Variants in CYP3A7 observed in about 807,000 individuals in gnomAD.
CYP3A7 encodes the protein cytochrome P450 family 3 subfamily A member 7.
In CYP3A7, 45 loss-of-function variants were observed where a neutral mutation model predicts 55.2. That is an observed-to-expected ratio of 0.82 (90% CI 0.64 to 1.05). CYP3A7 has a LOEUF of 1.05. CYP3A7 is among the 50% of genes least tolerant of loss of function. The pLI, the probability that CYP3A7 is intolerant of heterozygous loss-of-function variation, is 0.00. For synonymous variants in CYP3A7, 180 were observed against 207.4 expected, an observed-to-expected ratio of 0.87 and a Z score of 1.13; for missense variants, 548 against 605.3, an observed-to-expected ratio of 0.91 and a Z score of 0.99.
At position 99,721,636 on chromosome 7, in the gene CYP3A7, C is replaced by T. The variant is rs547164245; in HGVS notation, c.218+660G>A. Among the ~76,000 whole-genome samples, 25 of 152,238 alleles carry T rather than the reference C, an allele frequency of 1.6e-4. No homozygotes were observed. In the South Asian group the frequency reaches 3.7e-3, roughly 23 times the overall value. On this transcript the variant is annotated intron_variant, in intron 3 of 12. Transcript: ENST00000336374. ...ACAATGGTCTCAGCCTAGTTTAGAC[C>T]GAAGACCTCAACACCTGGTGACATA...
At chr7:99,726,051 A>G (rs960750280) in intron 2 of CYP3A7, among the ~76,000 whole-genome samples, 6 of 152,182 alleles carry the variant, frequency 3.9e-5, no homozygotes, top group Admixed American at 2.0e-4. Flanking sequence ...TAACCAAATT[A>G]TCTGCTTCTC....
chr7:99,709,056 G>T lies in CYP3A7; in HGVS notation c.1232C>A (p.Pro411His), dbSNP rs1173730230. 1.9e-6 allele frequency: 3 copies of T among 1,613,866 alleles called. No homozygotes were observed. In the African/African-American group the frequency reaches 4.0e-5, roughly 22 times the overall value. ...CTACCTTTCAGGGAGGAACTTCTCA[G>T]GCTCTGTCCAGTACTTTGGGTCATG... ...LHHDPKYWTEPEKFLPERFSK... is the reference protein window; with the variant it reads ...LHHDPKYWTEHEKFLPERFSK... The change falls in exon 11 of 13, where the codon CCT becomes CAT. Residue 411 changes from proline to histidine, a missense_variant. Physicochemically the swap from Pro to His is moderately conservative, Grantham distance 77. Transcript: ENST00000336374.
chr7:99,725,622 C>T (rs1235721047), intron 2 of CYP3A7, among the ~76,000 whole-genome samples: 2 of 152,224 alleles, frequency 1.3e-5, no homozygotes, highest in African/African-American at 4.8e-5. Flanking sequence ...TGTGTGGGCT[C>T]CAATTAGAGG....
intron 5 of CYP3A7, 79 bp from the exon 6 acceptor site, chr7:99,717,344 G>T: frequency 1.2e-6 from 2 of 1,608,500 alleles, no homozygotes; most frequent in Non-Finnish European, 1.7e-6. Context: ...GCCTGGCATG[G>T]AACAATAAGT....
At chr7:99,727,278 T>C (rs1814447086) in intron 2 of CYP3A7, among the ~76,000 whole-genome samples, 1 of 152,246 alleles carries the variant, frequency 6.6e-6, no homozygotes. Context: ...CTGGTCATCA[T>C]GTCTCTGTGC....
Position 99,710,892 on chromosome 7 carries a change from G to A in CYP3A7, c.866C>T (p.Ala289Val). The part of the protein sequence containing the change: ...QNSKDSETHK[A>V]LSDLELMAQS... The stretch of plus-strand genomic sequence containing the variant: ...GGCCATGAGCTCCAGATCAGACAGA[G>A]CTGAAAGGAGAGAAAAGACATTTTA... The change falls in exon 10 of 13, where the codon GCT becomes GTT. Residue 289 changes from alanine to valine, a missense_variant and splice_region_variant. Ala to Val is a moderately conservative substitution (Grantham distance 64, BLOSUM62 0). Transcript: ENST00000336374. 1 of 1,613,688 alleles carries A rather than the reference G, an allele frequency of 6.2e-7. No individual in the cohort carries two copies. The highest frequency in any genetic ancestry group is 8.5e-7 in the Non-Finnish European group (1 of 1,179,728).
intron 11 of CYP3A7, among the ~76,000 whole-genome samples, chr7:99,708,585 T>C (rs1563018358): frequency 2.0e-5 from 3 of 152,132 alleles, no homozygotes; most frequent in South Asian, 2.1e-4. Context: ...GCTACTGTAT[T>C]GATGGAAAGC....
In CYP3A7 at chr7:99,710,741, TA is replaced by T. The variant is rs1454484851; in HGVS notation, c.1016del (p.Leu339TyrfsTer22). On this transcript the variant is annotated frameshift_variant, in exon 10 of 13. Transcript: ENST00000336374. LOFTEE classifies it high-confidence loss of function. Reference sequence around the variant, plus strand: ...TGTACTGTCCACTCACCTTATTGGGTAAAACTGTATCAATTTCCTTCTGCAC... The same window carrying T: ...TGTACTGTCCACTCACCTTATTGGGTAAACTGTATCAATTTCCTTCTGCAC... ...QKVQKEIDTV[L>X]PNKAPPTYDT... The T allele has an allele frequency of 1.2e-6, 2 of 1,613,850 alleles. No homozygotes were observed. Among genetic ancestry groups the T allele is most frequent in the Middle Eastern group, 1.7e-4 (1 of 6,056 alleles).
intron 4 of CYP3A7, among the ~76,000 whole-genome samples, chr7:99,718,732 G>A (rs1814068842): frequency 6.6e-6 from 1 of 152,142 alleles, no homozygotes; most frequent in Non-Finnish European, 1.5e-5. Context: ...ATTTTCAAGT[G>A]ACATAATTGT....
At chr7:99,729,046 A>G (rs1339943021) in intron 2 of CYP3A7, among the ~76,000 whole-genome samples, 2 of 152,296 alleles carry the variant, frequency 1.3e-5, no homozygotes, top group African/African-American at 2.4e-5. Context: ...GACAATATAA[A>G]AAAGCTTAAA....
rs4646463 is a variant in CYP3A7 at position 99,714,688 on chromosome 7, GA to G, written c.671-7del. 331 of 1,429,012 alleles carry G rather than the reference GA, an allele frequency of 2.3e-4. 1 individual carries two copies. The highest frequency in any genetic ancestry group is 1.7e-3 in the African/African-American group (119 of 68,880). The allele number at this position is 1,429,012 out of a possible 1,614,324, so 88.5% of individuals were successfully genotyped here. A position where few individuals can be genotyped will look rare whatever the true frequency, so the allele number is the denominator to read the frequency against. ...GGTAAGGAATGGAAAGACTTCTGTA[GA>G]AAAAAAAAACCAACAGAAAACGAAA... On this transcript the variant is annotated splice_polypyrimidine_tract_variant and splice_region_variant and intron_variant, in intron 7 of 12. Transcript: ENST00000336374.
At chr7:99,728,062 C>T (rs1287438424) in intron 2 of CYP3A7, among the ~76,000 whole-genome samples, 1 of 152,196 alleles carries the variant, frequency 6.6e-6, no homozygotes, top group Non-Finnish European at 1.5e-5. Context: ...TTCTGTCCCT[C>T]ATGGCCAGTT....
At position 99,717,191 on chromosome 7, in the gene CYP3A7, A is replaced by G. The variant is rs1484909226; in HGVS notation, c.507T>C (p.Pro169=). The change falls in exon 6 of 13, where the codon CCT becomes CCC. Residue 169 remains proline, a synonymous_variant. Transcript: ENST00000336374. ...CTCCTACTTACTGTTTCAAGGTGAC[A>G]GGCTTGCCTGTCTCTGCTTCCCGCC... is the stretch of plus-strand genomic sequence containing the variant. ...NLRREAETGK[P]VTLKHVFGAY... 8 of 1,613,946 alleles carry G rather than the reference A, an allele frequency of 5.0e-6. No individual in the cohort carries two copies. Among genetic ancestry groups the G allele is most frequent in the Non-Finnish European group, 5.9e-6 (7 of 1,179,836 alleles).
rs1813481691 is a variant in CYP3A7, at chr7:99,705,410, T to G, written c.*90A>C. 2 of 1,435,122 alleles carry G rather than the reference T, an allele frequency of 1.4e-6. No homozygotes were observed. The highest frequency in any genetic ancestry group is 2.0e-6 in the Non-Finnish European group (2 of 1,023,750). 88.9% of individuals were successfully genotyped at this position (1,435,122 alleles called of 1,614,324 possible). ...GCACATTGGATGAAGCCCGTCTTCA[T>G]TTCAGGGTTCTATTTGTAAAGTAAT... On this transcript the variant is annotated 3_prime_UTR_variant, in exon 13 of 13. Coordinates refer to ENST00000336374, the MANE Select transcript of CYP3A7 (RefSeq NM_000765.5).
chr7:99,719,286 T>A (rs1199075605), intron 4 of CYP3A7, among the ~76,000 whole-genome samples: 2 of 152,180 alleles, frequency 1.3e-5, no homozygotes, highest in African/African-American at 2.4e-5. Flanking sequence ...ACCAGTTTGT[T>A]GTTGATGGAG....
intron 2 of CYP3A7, among the ~76,000 whole-genome samples, chr7:99,724,449 G>C (rs1354977369): frequency 6.6e-6 from 1 of 152,062 alleles, no homozygotes. Flanking sequence ...CTCCCAGTGT[G>C]ACTCATCCCA....
chr7:99,711,107 A>G (rs970872419), intron 9 of CYP3A7, among the ~76,000 whole-genome samples: 6 of 152,208 alleles, frequency 3.9e-5, no homozygotes, highest in Non-Finnish European at 7.3e-5. Context: ...AATGTCTTCA[A>G]GAACGTAGAC....
chr7:99,734,064 G>A (rs867500087), intron 1 of CYP3A7, among the ~76,000 whole-genome samples: 4 of 152,248 alleles, frequency 2.6e-5, no homozygotes, highest in South Asian at 2.1e-4. Flanking sequence ...GCTGGAAATA[G>A]TCTATCTCCA....
At position 99,735,122 on chromosome 7, in the gene CYP3A7, C is replaced by T. The variant is rs2151542204; in HGVS notation, c.-29G>A. On this transcript the variant is annotated 5_prime_UTR_variant, in exon 1 of 13. Coordinates refer to ENST00000336374, the MANE Select transcript of CYP3A7 (RefSeq NM_000765.5). Reference sequence around the variant, plus strand: ...TACTTTCCTTCCTTATCTCTCTCCTCTGAGTCTTTTTTTCAGCAGCGTGCT... The same window carrying T: ...TACTTTCCTTCCTTATCTCTCTCCTTTGAGTCTTTTTTTCAGCAGCGTGCT... The T allele has an allele frequency of 6.2e-7, 1 of 1,613,608 alleles. No homozygotes were observed. Among genetic ancestry groups the T allele is most frequent in the Non-Finnish European group, 8.5e-7 (1 of 1,179,686 alleles).
Sources: gnomAD v4.1 joint callset for allele counts (sites outside exome capture counted in the v4.1 genomes callset) on GRCh38, gnomAD v4.1.1 for gene constraint, MANE v1.5 for transcripts, NCBI Gene and HGNC (gene_info 2026-07-23, HGNC 2026-07-21) for gene names.